GPC5: variants seen among roughly 807,000 people sequenced by gnomAD.
GPC5 encodes glypican-5.
Under a neutral mutation model 53.9 loss-of-function variants are expected in GPC5, and 47 were observed. The observed-to-expected ratio is 0.87, with a 90% CI of 0.69 to 1.11. GPC5 has a LOEUF of 1.11. Among genes scored for constraint, GPC5 ranks in the 50% most tolerant of loss-of-function variants. The pLI is 0.00. For missense variants in GPC5, 748 were observed against 713.1 expected (o/e 1.05, Z -0.56); for synonymous variants, 286 against 263.3 (o/e 1.09, Z -0.84).
At chr13:92,385,371 T>TATATATAC (rs1566567226) in intron 7 of GPC5, among the ~76,000 whole-genome samples, 1 of 79,540 alleles carries the variant, frequency 1.3e-5, no homozygotes, top group African/African-American at 4.9e-5. Flanking sequence ...TACATATATA[T>TATATATAC]ACATATATAC....
At chr13:92,646,126 A>G (rs1028038714) in intron 7 of GPC5, among the ~76,000 whole-genome samples, 4 of 152,052 alleles carry the variant, frequency 2.6e-5, no homozygotes, top group African/African-American at 9.7e-5. Flanking sequence ...GATTTTCTCA[A>G]ATACTTTCTG....
At chr13:91,668,398 C>T (rs891356203) in intron 2 of GPC5, among the ~76,000 whole-genome samples, 3 of 152,216 alleles carry the variant, frequency 2.0e-5, no homozygotes, top group Non-Finnish European at 4.4e-5. Flanking sequence ...TTTTATCTCT[C>T]TTAGCCTGTT....
intron 7 of GPC5, among the ~76,000 whole-genome samples, chr13:92,692,348 T>C (rs1045909657): frequency 2.0e-5 from 3 of 152,096 alleles, no homozygotes; most frequent in Non-Finnish European, 2.9e-5. Context: ...CAGGTGCAAA[T>C]GTCTTTTGGT....
intron 2 of GPC5, among the ~76,000 whole-genome samples, chr13:91,478,343 A>G (rs889617785): frequency 3.9e-5 from 6 of 152,200 alleles, no homozygotes; most frequent in African/African-American, 1.4e-4. Context: ...TGAAATGTAC[A>G]AATCCCTTTC....
chr13:91,978,429 C>A (rs368316843), intron 6 of GPC5, among the ~76,000 whole-genome samples: 1 of 152,126 alleles, frequency 6.6e-6, no homozygotes, highest in African/African-American at 2.4e-5. Flanking sequence ...CAACCACTGG[C>A]GACAAATATA....
intron 5 of GPC5, among the ~76,000 whole-genome samples, chr13:91,830,428 A>G (rs144561500): frequency 0.044 from 6,703 of 151,972 alleles, 170 homozygotes; most frequent in Middle Eastern, 0.068. Context: ...GTCGTGAGGC[A>G]ACATACATCC....
At chr13:92,296,833 G>T (rs950341122) in intron 7 of GPC5, among the ~76,000 whole-genome samples, 1 of 152,220 alleles carries the variant, frequency 6.6e-6, no homozygotes, top group Non-Finnish European at 1.5e-5. Flanking sequence ...AGGGTGTATT[G>T]GGTCCCCCAG....
intron 1 of GPC5, among the ~76,000 whole-genome samples, chr13:91,437,297 A>G (rs948494616): frequency 6.6e-6 from 1 of 152,134 alleles, no homozygotes; most frequent in African/African-American, 2.4e-5. Flanking sequence ...GGTCTTTACA[A>G]TTTGGCATGT....
At chr13:91,487,193 GA>G (rs1305733054) in intron 2 of GPC5, among the ~76,000 whole-genome samples, 4 of 152,102 alleles carry the variant, frequency 2.6e-5, no homozygotes, top group East Asian at 3.9e-4. Context: ...GAGATGGGGG[GA>G]AGTCACGGGT....
intron 6 of GPC5, among the ~76,000 whole-genome samples, chr13:91,939,453 A>G (rs996642904): frequency 2.6e-5 from 4 of 152,170 alleles, no homozygotes; most frequent in African/African-American, 9.7e-5. Flanking sequence ...CATACATAAC[A>G]TCAGCAAGGC....
At chr13:91,806,639 A>G (rs569618560) in intron 5 of GPC5, among the ~76,000 whole-genome samples, 1 of 152,322 alleles carries the variant, frequency 6.6e-6, no homozygotes, top group East Asian at 1.9e-4. Context: ...TAAATTTCAG[A>G]TAAGGTCAGT....
chr13:91,884,490 G>T (rs2039302048), intron 5 of GPC5, among the ~76,000 whole-genome samples: 1 of 152,136 alleles, frequency 6.6e-6, no homozygotes, highest in African/African-American at 2.4e-5. Flanking sequence ...GCAAACTAAT[G>T]CAGGAACAGA....
chr13:91,457,836 G>A (rs1881666290), intron 2 of GPC5, among the ~76,000 whole-genome samples: 1 of 152,052 alleles, frequency 6.6e-6, no homozygotes, highest in Non-Finnish European at 1.5e-5. Flanking sequence ...AAGGTGGTAG[G>A]AGGTCCATTC....
chr13:92,643,251 G>T (rs1017208688), intron 7 of GPC5, among the ~76,000 whole-genome samples: 3 of 152,008 alleles, frequency 2.0e-5, no homozygotes, highest in Non-Finnish European at 1.5e-5. Flanking sequence ...TGTCAATTTT[G>T]TCTTTTGTTG....
At chr13:91,651,683 A>C (rs2034714394) in intron 2 of GPC5, among the ~76,000 whole-genome samples, 2 of 148,892 alleles carry the variant, frequency 1.3e-5, no homozygotes, top group African/African-American at 5.0e-5. Context: ...GTGCCATTGC[A>C]CTCCAGCCTG....
chr13:92,222,131 C>T (rs9556160), intron 7 of GPC5, among the ~76,000 whole-genome samples: 48,177 of 151,798 alleles, frequency 0.32, 7,778 homozygotes, highest in Non-Finnish European at 0.33. Context: ...TATCTTCCTG[C>T]GGTATCTCCG....
chr13:92,007,097 T>C (rs1334026750), intron 6 of GPC5, among the ~76,000 whole-genome samples: 1 of 152,186 alleles, frequency 6.6e-6, no homozygotes, highest in African/African-American at 2.4e-5. Context: ...CCATAAAAGT[T>C]CAGTATGCAA....
chr13:92,410,878 C>T (rs1876010773), intron 7 of GPC5, among the ~76,000 whole-genome samples: 1 of 152,172 alleles, frequency 6.6e-6, no homozygotes, highest in Admixed American at 6.5e-5. Flanking sequence ...TTTTCTAGTA[C>T]TGAATTTATT....
At chr13:91,880,632 T>C (rs546319364) in intron 5 of GPC5, among the ~76,000 whole-genome samples, 2 of 152,332 alleles carry the variant, frequency 1.3e-5, no homozygotes, top group East Asian at 3.9e-4. Context: ...ATATGCCTTT[T>C]CATCAAGTCA....
Sources: allele counts gnomAD v4.1 joint callset (sites outside exome capture counted in the v4.1 genomes callset), GRCh38; gene constraint gnomAD v4.1.1; transcripts MANE v1.5; gene names NCBI Gene and HGNC (gene_info 2026-07-23, HGNC 2026-07-21).